PDE4D: variants seen among roughly 807,000 people sequenced by gnomAD.
PDE4D encodes phosphodiesterase 4D.
PDE4D carries 24 observed loss-of-function variants against 87.4 expected under a neutral mutation model. The ratio of observed to expected loss-of-function variants is 0.27; its 90% CI spans 0.20 to 0.39. PDE4D has a LOEUF of 0.39. Among genes scored for constraint, PDE4D ranks in the 10% least tolerant of loss-of-function variants. The pLI is 1.00. For synonymous variants in PDE4D, 384 were observed against 383.2 expected, an observed-to-expected ratio of 1.00 and a Z score of -0.02; for missense variants, 714 against 1,041.0, an observed-to-expected ratio of 0.69 and a Z score of 4.32.
intron 1 of PDE4D, among the ~76,000 whole-genome samples, chr5:59,325,768 A>G (rs1304572010): frequency 6.6e-6 from 1 of 152,124 alleles, no homozygotes; most frequent in Non-Finnish European, 1.5e-5. Flanking sequence ...CTGCTTATTC[A>G]CTAATTTCTA....
chr5:60,053,043 C>G (rs1338189595), intron 2 of PDE4D, among the ~76,000 whole-genome samples: 1 of 151,922 alleles, frequency 6.6e-6, no homozygotes, highest in Non-Finnish European at 1.5e-5. Context: ...TAAGAGAGGA[C>G]AAAAACAAAT....
At chr5:60,072,215 G>A (rs1483848610) in intron 2 of PDE4D, among the ~76,000 whole-genome samples, 2 of 152,056 alleles carry the variant, frequency 1.3e-5, no homozygotes, top group African/African-American at 4.8e-5. Context: ...TAGCCATTCT[G>A]ACTGATGTGA....
rs949333947 is a variant in PDE4D at position 59,857,042 on chromosome 5, A to G, written c.455+36126T>C. On this transcript the variant is annotated intron_variant, in intron 1 of 14. Coordinates refer to ENST00000340635, the MANE Select transcript of PDE4D (RefSeq NM_001104631.2). ...TACAAGAGTCCTGGTTGCCCAAACAATCTCTTCGTCATCTGCCAGCTTCTA... is the reference window on the plus strand; with the variant it reads ...TACAAGAGTCCTGGTTGCCCAAACAGTCTCTTCGTCATCTGCCAGCTTCTA... 2.6e-4 allele frequency among the ~76,000 whole-genome samples: 39 copies of G among 152,204 alleles called. 1 individual carries two copies. The highest frequency in any genetic ancestry group is 2.3e-3 in the Admixed American group (35 of 15,266).
At chr5:59,324,261 T>G (rs2153572985) in intron 1 of PDE4D, among the ~76,000 whole-genome samples, 1 of 152,256 alleles carries the variant, frequency 6.6e-6, no homozygotes, top group Non-Finnish European at 1.5e-5. Context: ...TAGTTTCTGA[T>G]TTACTTGTAG....
chr5:60,146,086 C>T (rs897314641), intron 2 of PDE4D, among the ~76,000 whole-genome samples: 3 of 152,038 alleles, frequency 2.0e-5, no homozygotes, highest in Non-Finnish European at 4.4e-5. Context: ...TGGTGGCGTG[C>T]GCCTATAGTC....
At chr5:60,455,413 A>T (rs1459206539) in intron 1 of PDE4D, among the ~76,000 whole-genome samples, 1 of 152,162 alleles carries the variant, frequency 6.6e-6, no homozygotes, top group Non-Finnish European at 1.5e-5. Context: ...TGAGAGACAG[A>T]GGAAGGCTCT....
At chr5:59,156,606 A>G (rs553405259) in intron 5 of PDE4D, among the ~76,000 whole-genome samples, 1 of 152,086 alleles carries the variant, frequency 6.6e-6, no homozygotes, top group Non-Finnish European at 1.5e-5. Context: ...TATCTGAAAG[A>G]AGCTCTGGGC....
intron 3 of PDE4D, among the ~76,000 whole-genome samples, chr5:59,900,629 A>G (rs1752160440): frequency 6.6e-6 from 1 of 152,338 alleles, no homozygotes; most frequent in South Asian, 2.1e-4. Context: ...GAACTTTCAA[A>G]GTGACAGATT....
In PDE4D at chr5:59,068,933, GT is replaced by G. The variant is rs200988589; in HGVS notation, c.809-29963del. Reference sequence around the variant, plus strand: ...AATTGTTATTTTTTGAGTCATGAAAGTTTTCACACTGAAGGGAACATTTCAA... The same window carrying G: ...AATTGTTATTTTTTGAGTCATGAAAGTTTCACACTGAAGGGAACATTTCAA... On this transcript the variant is annotated intron_variant, in intron 5 of 14. Coordinates refer to ENST00000340635, the MANE Select transcript of PDE4D (RefSeq NM_001104631.2). Among the ~76,000 whole-genome samples the G allele has an allele frequency of 7.3e-3, 1,113 of 152,282 alleles. 14 individuals are homozygous for G. The highest frequency in any genetic ancestry group is 0.026 in the African/African-American group (1,064 of 41,544).
chr5:59,078,858 C>G (rs1005613640), intron 5 of PDE4D, among the ~76,000 whole-genome samples: 3 of 152,052 alleles, frequency 2.0e-5, no homozygotes, highest in African/African-American at 7.2e-5. Context: ...TGAGCTTTGC[C>G]CTGATGTAAG....
At chr5:59,344,732 T>G (rs1339621644) in intron 1 of PDE4D, among the ~76,000 whole-genome samples, 2 of 152,164 alleles carry the variant, frequency 1.3e-5, no homozygotes, top group Non-Finnish European at 2.9e-5. Flanking sequence ...ATGTGAAGTA[T>G]CTGTCTGGTA....
chr5:59,010,302 G>T lies in PDE4D; in HGVS notation c.922-16837C>A, dbSNP rs919907188. On this transcript the variant is annotated intron_variant, in intron 6 of 14. Coordinates refer to ENST00000340635, the MANE Select transcript of PDE4D (RefSeq NM_001104631.2). ...AGATCGCGCCACTGCACTCCAGCCGGGGTGACAGAGATTCTGTCTCCAAAA... is the reference window on the plus strand; with the variant it reads ...AGATCGCGCCACTGCACTCCAGCCGTGGTGACAGAGATTCTGTCTCCAAAA... Among the ~76,000 whole-genome samples, 44 of 152,200 alleles carry T rather than the reference G, an allele frequency of 2.9e-4. 1 individual carries two copies. Among genetic ancestry groups the T allele is most frequent in the Middle Eastern group, 3.4e-3 (1 of 294 alleles).
chr5:59,381,645 C>T (rs913965092), intron 1 of PDE4D, among the ~76,000 whole-genome samples: 1 of 152,088 alleles, frequency 6.6e-6, no homozygotes, highest in East Asian at 1.9e-4. Flanking sequence ...AACTTACAGG[C>T]TACCTTCTTT....
chr5:60,444,166 T>C (rs933145527), intron 1 of PDE4D, among the ~76,000 whole-genome samples: 5 of 152,158 alleles, frequency 3.3e-5, no homozygotes, highest in Non-Finnish European at 1.5e-5. Context: ...TCTTAATAAA[T>C]GGTGATATTT....
At chr5:60,404,195 T>A in intron 1 of PDE4D, among the ~76,000 whole-genome samples, 1 of 149,096 alleles carries the variant, frequency 6.7e-6, no homozygotes, top group African/African-American at 2.5e-5. Context: ...CTCTCTCTAT[T>A]CATTTATCTG....
intron 1 of PDE4D, among the ~76,000 whole-genome samples, chr5:59,328,846 G>A (rs1274382224): frequency 6.6e-6 from 1 of 152,174 alleles, no homozygotes; most frequent in Non-Finnish European, 1.5e-5. Flanking sequence ...ACGTGTACTT[G>A]AGAAAAAAGG....
intron 1 of PDE4D, among the ~76,000 whole-genome samples, chr5:59,454,019 T>A (rs964089307): frequency 6.6e-6 from 1 of 152,190 alleles, no homozygotes; most frequent in Non-Finnish European, 1.5e-5. Context: ...AGTCTAATAA[T>A]CCTGGGGCCA....
At chr5:59,922,470 G>A (rs947350778) in intron 3 of PDE4D, among the ~76,000 whole-genome samples, 1 of 152,120 alleles carries the variant, frequency 6.6e-6, no homozygotes, top group Non-Finnish European at 1.5e-5. Context: ...GGAGAGGAGA[G>A]GGAAGAGTAG....
intron 1 of PDE4D, among the ~76,000 whole-genome samples, chr5:60,351,633 A>G (rs1263784452): frequency 1.3e-5 from 2 of 152,080 alleles, no homozygotes; most frequent in Non-Finnish European, 2.9e-5. Flanking sequence ...CAAACTGCCT[A>G]CTTTCAGACT....
Sources: allele counts gnomAD v4.1 joint callset (sites outside exome capture counted in the v4.1 genomes callset), GRCh38; gene constraint gnomAD v4.1.1; transcripts MANE v1.5; gene names NCBI Gene and HGNC (gene_info 2026-07-23, HGNC 2026-07-21).